Variants in MYO9A observed in about 807,000 individuals in gnomAD.
MYO9A encodes unconventional myosin-IXa.
A neutral mutation model predicts 293.3 loss-of-function variants in MYO9A; 103 were observed. The ratio of observed to expected loss-of-function variants is 0.35; its 90% CI spans 0.30 to 0.41. The LOEUF (loss-of-function observed/expected upper bound fraction) is 0.41, where lower values mean the gene tolerates loss of function less well. Among genes scored for constraint, MYO9A ranks in the 10% least tolerant of loss-of-function variants. The probability of loss-of-function intolerance (pLI) is 1.00; values close to 1 mark genes in which losing one functional copy is unlikely to be tolerated. For synonymous variants in MYO9A, 1,001 were observed against 1,035.7 expected (o/e 0.97, Z 0.64); for missense variants, 2,685 against 3,033.0 (o/e 0.89, Z 2.69).
Position 71,875,843 on chromosome 15 carries a change from C to A in MYO9A, c.5932-5G>T. The A allele has an allele frequency of 7.3e-7, 1 of 1,366,062 alleles. No homozygotes were observed. Among genetic ancestry groups the A allele is most frequent in the Non-Finnish European group, 9.5e-7 (1 of 1,051,304 alleles). 84.6% of individuals were successfully genotyped at this position (1,366,062 alleles called of 1,614,324 possible). A position where few individuals can be genotyped will look rare whatever the true frequency, so the allele number is the denominator to read the frequency against. On this transcript the variant is annotated splice_polypyrimidine_tract_variant and splice_region_variant and intron_variant, in intron 31 of 41. Coordinates refer to ENST00000356056, the MANE Select transcript of MYO9A (RefSeq NM_006901.4). The stretch of plus-strand genomic sequence containing the variant: ...CTTTCTTTCTGTTTTTGGCACCTGA[C>A]AGGGGGACAGGAGATATATGGAAAT...
chr15:71,953,739 G>C (rs558522600), intron 14 of MYO9A: 1 of 152,158 alleles, frequency 6.6e-6, no homozygotes, highest in South Asian at 2.1e-4. Flanking sequence ...TCCAGACTGT[G>C]ACATAATTTC....
chr15:72,056,475 G>A (rs1404013440), intron 1 of MYO9A, among the ~76,000 whole-genome samples: 4 of 152,220 alleles, frequency 2.6e-5, no homozygotes, highest in African/African-American at 7.2e-5. Flanking sequence ...TAATCTAAGT[G>A]AAGTAACTCA....
chr15:71,928,903 G>GA (rs34057335), intron 18 of MYO9A, among the ~76,000 whole-genome samples: 114,291 of 144,150 alleles, frequency 0.79, 45,274 homozygotes, highest in African/African-American at 0.84. Flanking sequence ...ATCTCTACGA[G>GA]AAAAAAAAAA....
rs1049822826 is a variant in MYO9A at position 71,826,717 on chromosome 15, T to C, written c.7510A>G (p.Asn2504Asp). Residue 2504 changes from asparagine (N) to aspartate (D), a missense_variant, in exon 42 of 42, where the codon AAT becomes GAT. By Grantham distance (23) the Asn-to-Asp change is conservative (BLOSUM62 1). Transcript: ENST00000356056. The part of the protein sequence containing the change: ...NPEKGKQKLK[N>D]VKNSPQKTKE... ...GTTTTCTGAGGTGAGTTTTTCACAT[T>C]CTTTAATTTTTGTTTGCCCTTTTCC... 6.2e-7 allele frequency: 1 copy of C among 1,614,168 alleles called. No homozygotes were observed. The highest frequency in any genetic ancestry group is 1.7e-5 in the Admixed American group (1 of 60,030).
chr15:71,849,052 A>G, intron 38 of MYO9A, 84 bp from the exon 39 acceptor site: 2 of 1,325,136 alleles, frequency 1.5e-6, no homozygotes, highest in South Asian at 1.7e-5. Context: ...TGTGGTAGAC[A>G]GTTGAAAGAT....
At chr15:72,087,496 T>C (rs1567026373) in intron 1 of MYO9A, among the ~76,000 whole-genome samples, 1 of 152,182 alleles carries the variant, frequency 6.6e-6, no homozygotes, top group Non-Finnish European at 1.5e-5. Context: ...CAGAGGCCTG[T>C]GGTGAGAGCA....
chr15:71,942,308 C>T (rs1187573649), intron 15 of MYO9A, among the ~76,000 whole-genome samples: 1 of 151,902 alleles, frequency 6.6e-6, no homozygotes, highest in Non-Finnish European at 1.5e-5. Context: ...GGAAAATGTA[C>T]AAGAGAATAA....
chr15:71,850,059 T>C lies in MYO9A; in HGVS notation c.6690A>G (p.Val2230=), dbSNP rs764125697. The C allele has an allele frequency of 1.2e-6, 2 of 1,614,026 alleles. No individual in the cohort carries two copies. Among genetic ancestry groups the C allele is most frequent in the Non-Finnish European group, 1.7e-6 (2 of 1,179,912 alleles). Residue 2230 remains valine, a synonymous_variant, in exon 38 of 42, where the codon GTA becomes GTG. Coordinates refer to ENST00000356056, the MANE Select transcript of MYO9A (RefSeq NM_006901.4). Reference sequence around the variant, plus strand: ...ACGTGGTAGTCTTACTGATGTCCTGTACACTTTGTAGTGGGTCAGTGGTGT... The same window carrying C: ...ACGTGGTAGTCTTACTGATGTCCTGCACACTTTGTAGTGGGTCAGTGGTGT... ...CPDTTDPLQS[V]QDISKTTTCV...
intron 19 of MYO9A, among the ~76,000 whole-genome samples, chr15:71,908,860 G>C (rs2057751462): frequency 6.6e-6 from 1 of 152,050 alleles, no homozygotes. Context: ...CACCATTGCA[G>C]TATCATACAG....
At chr15:72,022,433 A>C (rs1019794190) in intron 4 of MYO9A, among the ~76,000 whole-genome samples, 4 of 151,858 alleles carry the variant, frequency 2.6e-5, no homozygotes, top group Non-Finnish European at 5.9e-5. Context: ...AGGCAGGAGA[A>C]TCGCTTGAAC....
intron 14 of MYO9A, 107 bp from the exon 15 acceptor site, chr15:71,952,003 G>T: frequency 1.1e-5 from 13 of 1,220,930 alleles, no homozygotes; most frequent in Non-Finnish European, 1.4e-5. Context: ...ACTATTTAAG[G>T]GTGTATAAAA....
At chr15:72,026,659 C>G (rs190496890) in intron 4 of MYO9A, among the ~76,000 whole-genome samples, 4 of 151,890 alleles carry the variant, frequency 2.6e-5, no homozygotes, top group Admixed American at 2.6e-4. Context: ...AACTAAAGAT[C>G]GGTTCTTTGA....
rs934031473 is a variant in MYO9A, at chr15:71,847,305, G to A, written c.6837+1540C>T. 7.3e-5 allele frequency: 25 copies of A among 341,254 alleles called. 1 individual carries two copies. The highest frequency in any genetic ancestry group is 5.3e-4 in the South Asian group (24 of 45,244). 21.1% of individuals were successfully genotyped at this position (341,254 alleles called of 1,614,324 possible). A position where few individuals can be genotyped will look rare whatever the true frequency, so the allele number is the denominator to read the frequency against. ...AAAAAGTAGAACCTGACTTGGGGCC[G>A]AACATGGAGGGTGGACAGGCATGAA... is the stretch of plus-strand genomic sequence containing the variant. On this transcript the variant is annotated intron_variant, in intron 39 of 41. Transcript: ENST00000356056.
At chr15:71,899,608 A>G in intron 24 of MYO9A, 79 bp downstream of exon 24, 1 of 1,242,360 alleles carries the variant, frequency 8.0e-7, no homozygotes, top group Non-Finnish European at 1.1e-6. Flanking sequence ...AATACAAATT[A>G]GACAAGTGTT....
rs142837594 is a variant in MYO9A at position 71,843,616 on chromosome 15, G to T, written c.6837+5229C>A. Among the ~76,000 whole-genome samples, 97 of 152,212 alleles carry T rather than the reference G, an allele frequency of 6.4e-4. No individual in the cohort carries two copies. The South Asian group carries it at 7.1e-3, about 11-fold the overall frequency. On this transcript the variant is annotated intron_variant, in intron 39 of 41. Coordinates refer to ENST00000356056, the MANE Select transcript of MYO9A (RefSeq NM_006901.4). ...CGATCCTCCCACCTCAGCCTTCCAA[G>T]TATCTGGGACTATAGGCAAACACCA...
intron 39 of MYO9A, among the ~76,000 whole-genome samples, chr15:71,830,973 C>CTTTTTTTTTTTTTTTTTTTTTT: frequency 9.7e-6 from 1 of 103,080 alleles, no homozygotes; most frequent in Non-Finnish European, 1.9e-5. Context: ...CTGCTTCTTC[C>CTTTTTTTTTTTTTTTTTTTTTT]TTTTTTTTTT....
At chr15:72,111,564 A>G (rs961742473) in intron 1 of MYO9A, among the ~76,000 whole-genome samples, 3 of 151,952 alleles carry the variant, frequency 2.0e-5, no homozygotes, top group African/African-American at 7.3e-5. Context: ...CTGAGTACCT[A>G]CTATATGCTT....
chr15:71,850,267 CATGAACTGCAT>C (rs2055578271), intron 37 of MYO9A, 100 bp from the exon 38 acceptor site: 2 of 1,332,570 alleles, frequency 1.5e-6, no homozygotes, highest in Non-Finnish European at 2.1e-6. Flanking sequence ...GACAGTATGA[CATGAACTGCAT>C]AGTACTAGAA....
At chr15:71,997,592 C>T (rs1226439917) in intron 9 of MYO9A, among the ~76,000 whole-genome samples, 7 of 150,884 alleles carry the variant, frequency 4.6e-5, no homozygotes, top group African/African-American at 9.8e-5. Context: ...GTGCGAGACT[C>T]GTCTCAAAAA....
Sources: gnomAD v4.1 joint callset for allele counts (sites outside exome capture counted in the v4.1 genomes callset) on GRCh38, gnomAD v4.1.1 for gene constraint, MANE v1.5 for transcripts, NCBI Gene and HGNC (gene_info 2026-07-23, HGNC 2026-07-21) for gene names.